NUP205: variants seen among roughly 807,000 people sequenced by gnomAD.
NUP205 encodes the protein nucleoporin 205.
NUP205 carries 76 observed loss-of-function variants against 253.8 expected under a neutral mutation model. The ratio of observed to expected loss-of-function variants is 0.30; its 90% CI spans 0.25 to 0.36. NUP205 has a LOEUF of 0.36. Among genes scored for constraint, NUP205 ranks in the 10% least tolerant of loss-of-function variants. NUP205 has a pLI of 1.00. For missense variants in NUP205, 2,162 were observed against 2,425.5 expected (o/e 0.89, Z 2.28); for synonymous variants, 832 against 850.1 (o/e 0.98, Z 0.37).
At position 135,600,840 on chromosome 7, in the gene NUP205, T is replaced by C. The variant is rs1360774508; in HGVS notation, c.2275-30T>C. 2.2e-6 allele frequency: 3 copies of C among 1,370,548 alleles called. No individual in the cohort carries two copies. The South Asian group carries it at 3.7e-5, about 17-fold the overall frequency. The allele number at this position is 1,370,548 out of a possible 1,614,324, so 84.9% of individuals were successfully genotyped here. A position where few individuals can be genotyped will look rare whatever the true frequency, so the allele number is the denominator to read the frequency against. ...AGGCCACCACCTTGGTCTGTTTTAT[T>C]GTTATTGACCTATTTATATCTTTCT... On this transcript the variant is annotated intron_variant, in intron 15 of 42. Transcript: ENST00000285968.
intron 2 of NUP205, among the ~76,000 whole-genome samples, chr7:135,571,545 A>C (rs898533053): frequency 1.3e-4 from 20 of 151,840 alleles, no homozygotes; most frequent in African/African-American, 4.1e-4. Context: ...AGCTGCAAAA[A>C]CTATCTTAAA....
intron 37 of NUP205, 140 bp downstream of exon 37, chr7:135,638,199 CAA>C: frequency 1.2e-6 from 1 of 866,150 alleles, no homozygotes; most frequent in Non-Finnish European, 1.7e-6. Flanking sequence ...CACCTGAGGT[CAA>C]GAGTTGAAGA....
intron 17 of NUP205, 102 bp downstream of exon 17, chr7:135,601,609 T>C: frequency 8.0e-7 from 1 of 1,251,590 alleles, no homozygotes; most frequent in Non-Finnish European, 1.1e-6. Context: ...CATTTTTCAC[T>C]GTAAGATTCT....
chr7:135,639,783 C>G (rs545116774), intron 38 of NUP205, among the ~76,000 whole-genome samples: 1 of 152,006 alleles, frequency 6.6e-6, no homozygotes, highest in East Asian at 1.9e-4. Context: ...GCACTATTTA[C>G]AATAGCAAAG....
chr7:135,558,850 T>A lies in NUP205; in HGVS notation c.28+878T>A, dbSNP rs546604451. On this transcript the variant is annotated intron_variant, in intron 1 of 42. Coordinates refer to ENST00000285968, the MANE Select transcript of NUP205 (RefSeq NM_015135.3). Reference sequence around the variant, plus strand: ...CAAGATTAAGAGTATATCTGTGTGGTAAATGCTTGTGAGAATCTCACTTAA... The same window carrying A: ...CAAGATTAAGAGTATATCTGTGTGGAAAATGCTTGTGAGAATCTCACTTAA... Among the ~76,000 whole-genome samples, 10 of 152,314 alleles carry A rather than the reference T, an allele frequency of 6.6e-5. No individual in the cohort carries two copies. In the South Asian group the frequency reaches 2.1e-3, roughly 32 times the overall value.
chr7:135,573,671 G>C lies in NUP205; in HGVS notation c.189G>C (p.Gln63His), dbSNP rs150567613. The stretch of plus-strand genomic sequence containing the variant: ...CATTGTAGCCAAAAAATGTTCAACA[G>C]CATGAGAAGGTTCAGAAAGCCAGTA... ...LFKNPPKNVQ[Q>H]HEKVQKASTE... is the part of the protein sequence containing the mutation. Residue 63 changes from glutamine (Q) to histidine (H), a missense_variant, in exon 3 of 43, where the codon CAG (glutamine) becomes CAC (histidine). By Grantham distance (24) the Gln-to-His change is conservative. Around this residue, in one of 5 missense-constraint regions of NUP205, gnomAD observed 109 missense variants for 131.8 expected, o/e 0.83. Transcript: ENST00000285968. 301 of 1,605,666 alleles carry C rather than the reference G, an allele frequency of 1.9e-4. No homozygotes were observed. The highest frequency in any genetic ancestry group is 2.4e-4 in the Non-Finnish European group (280 of 1,178,046).
intron 22 of NUP205, among the ~76,000 whole-genome samples, chr7:135,610,970 T>A (rs55935951): frequency 0.32 from 48,343 of 151,608 alleles, 8,070 homozygotes; most frequent in Middle Eastern, 0.48. Flanking sequence ...CTTTCAGTGC[T>A]TTTTGAACTC....
At position 135,648,620 on chromosome 7, in the gene NUP205, AT is replaced by A; in HGVS notation, c.*66del. The stretch of plus-strand genomic sequence containing the variant: ...GGGGAGAATTGTCTCCATTTTATAG[AT>A]TAGTTTCTTTCTAAATTATGACCAA... On this transcript the variant is annotated 3_prime_UTR_variant, in exon 43 of 43. Transcript: ENST00000285968. 1.6e-6 allele frequency: 2 copies of A among 1,271,396 alleles called. No homozygotes were observed. The highest frequency in any genetic ancestry group is 3.1e-5 in the African/African-American group (2 of 65,154). The allele number at this position is 1,271,396 out of a possible 1,614,324, so 78.8% of individuals were successfully genotyped here.
At chr7:135,564,675 G>A (rs1805696989) in intron 1 of NUP205, among the ~76,000 whole-genome samples, 1 of 151,888 alleles carries the variant, frequency 6.6e-6, no homozygotes, top group Admixed American at 6.6e-5. Flanking sequence ...AGGATTACAG[G>A]TGCGAGCCAC....
At chr7:135,582,720 T>C (rs1454999083) in intron 7 of NUP205, among the ~76,000 whole-genome samples, 1 of 152,152 alleles carries the variant, frequency 6.6e-6, no homozygotes. Context: ...CTGTCTTGGC[T>C]AAGTGTTGGG....
intron 10 of NUP205, among the ~76,000 whole-genome samples, chr7:135,589,237 C>T (rs1209747458): frequency 6.8e-6 from 1 of 147,266 alleles, no homozygotes; most frequent in East Asian, 1.9e-4. Context: ...GTTCTAGAAG[C>T]TTTTATGCAA....
chr7:135,576,865 G>A (rs937144812), intron 4 of NUP205, 104 bp from the exon 5 acceptor site: 1 of 1,087,108 alleles, frequency 9.2e-7, no homozygotes, highest in South Asian at 1.6e-5. Context: ...CTGGGTGACA[G>A]AGCAAGGCCC....
intron 38 of NUP205, 87 bp downstream of exon 38, chr7:135,638,770 G>A (rs563042714): frequency 7.3e-6 from 10 of 1,379,188 alleles, no homozygotes; most frequent in East Asian, 2.3e-5. Flanking sequence ...GTAAGATGCA[G>A]TATTTTCTTT....
intron 22 of NUP205, among the ~76,000 whole-genome samples, chr7:135,612,909 G>A (rs1015896066): frequency 6.6e-6 from 1 of 152,074 alleles, no homozygotes; most frequent in African/African-American, 2.4e-5. Flanking sequence ...CCTGGTACAT[G>A]GAAAGCATCT....
In NUP205 at chr7:135,587,675, A is replaced by G; in HGVS notation, c.1319A>G (p.Glu440Gly). 6.2e-7 allele frequency: 1 copy of G among 1,601,264 alleles called. No individual in the cohort carries two copies. The highest frequency in any genetic ancestry group is 8.5e-7 in the Non-Finnish European group (1 of 1,172,798). The part of the protein sequence containing the change: ...EPPISLRRDL[E>G]HLMLLIGELY... The stretch of plus-strand genomic sequence containing the variant: ...CCCATTTCACTTAGAAGGGACCTGG[A>G]ACACTTAATGCTTTTGGTAAGCCAT... Residue 440 changes from glutamate (E) to glycine (G), a missense_variant, in exon 9 of 43, where the codon GAA becomes GGA. Physicochemically the swap from Glu to Gly is moderately conservative, Grantham distance 98. Transcript: ENST00000285968.
At chr7:135,639,520 T>C (rs1233509116) in intron 38 of NUP205, among the ~76,000 whole-genome samples, 2 of 151,952 alleles carry the variant, frequency 1.3e-5, no homozygotes, top group South Asian at 4.2e-4. Flanking sequence ...TGAAACCCTG[T>C]CTCTTCTAAA....
At chr7:135,558,078 G>A (rs1350736727) in intron 1 of NUP205, 106 bp downstream of exon 1, 2 of 952,074 alleles carry the variant, frequency 2.1e-6, no homozygotes, top group East Asian at 2.4e-5. Flanking sequence ...ACTTATGTGC[G>A]GTGCCTGCTT....
At chr7:135,642,471 C>T (rs954211757) in intron 38 of NUP205, among the ~76,000 whole-genome samples, 8 of 151,978 alleles carry the variant, frequency 5.3e-5, no homozygotes, top group African/African-American at 1.5e-4. Context: ...TGTGAGCCAC[C>T]GTGCCTGTCC....
rs1211519863 is a variant in NUP205, at chr7:135,576,298, C to T, written c.372C>T (p.Gly124=). ...AGEHQQPHFP[G]LTRGLVAVLL... is the part of the protein sequence containing the mutation. ...AGCATCAACAGCCACATTTTCCTGG[C>T]CTTACCAGAGGATTAGTAGCTGTTC... The change falls in exon 4 of 43, where the codon GGC becomes GGT. Residue 124 remains glycine, a synonymous_variant. Transcript: ENST00000285968. 6.2e-7 allele frequency: 1 copy of T among 1,613,456 alleles called. No homozygotes were observed. The highest frequency in any genetic ancestry group is 8.5e-7 in the Non-Finnish European group (1 of 1,179,646).
Sources: gnomAD v4.1 joint callset for allele counts (sites outside exome capture counted in the v4.1 genomes callset) on GRCh38, gnomAD v4.1.1 for gene constraint, gnomAD v4.1.1 regional missense constraint, MANE v1.5 for transcripts, NCBI Gene and HGNC (gene_info 2026-07-23, HGNC 2026-07-21) for gene names.